Variants in STON1 observed in about 807,000 individuals in gnomAD.
STON1 encodes stonin 1, also known as stonin-1.
In STON1, 79 loss-of-function variants were observed where a neutral mutation model predicts 60.9. The ratio of observed to expected loss-of-function variants is 1.30; its 90% confidence interval spans 1.08 to 1.56. STON1 has a LOEUF of 1.56. Among genes scored for constraint, STON1 ranks in the 40% most tolerant of loss-of-function variants. The pLI is 0.00. For synonymous variants in STON1, 363 were observed against 306.9 expected (o/e 1.18, Z -1.91); for missense variants, 1,166 against 858.9 (o/e 1.36, Z -4.47).
chr2:48,554,007 T>G (rs912953776), intron 1 of STON1, among the ~76,000 whole-genome samples: 6 of 152,092 alleles, frequency 3.9e-5, no homozygotes, highest in African/African-American at 1.2e-4. Context: ...GAATACAAAG[T>G]CTGTTGGAGA....
At chr2:48,541,224 G>A (rs531309211) in intron 1 of STON1, among the ~76,000 whole-genome samples, 54 of 151,866 alleles carry the variant, frequency 3.6e-4, no homozygotes, top group African/African-American at 1.3e-3. Context: ...GGTGTTGTAT[G>A]ACTATAATCC....
intron 2 of STON1, among the ~76,000 whole-genome samples, chr2:48,584,132 T>C (rs944848989): frequency 2.6e-5 from 4 of 152,206 alleles, no homozygotes; most frequent in East Asian, 1.9e-4. Context: ...AAAAATCTGA[T>C]CCCTGTTTCC....
intron 1 of STON1, among the ~76,000 whole-genome samples, chr2:48,578,824 C>G (rs1673700628): frequency 6.6e-6 from 1 of 151,948 alleles, no homozygotes; most frequent in Non-Finnish European, 1.5e-5. Context: ...CTCCTGACCT[C>G]AAGTGATCTA....
chr2:48,531,496 C>G (rs1275311210), intron 1 of STON1: 1 of 152,350 alleles, frequency 6.6e-6, no homozygotes, highest in Non-Finnish European at 1.5e-5. Flanking sequence ...ATCAGTGTTT[C>G]CATGACAGTC....
intron 1 of STON1, among the ~76,000 whole-genome samples, chr2:48,537,281 T>C (rs1315645965): frequency 6.6e-6 from 1 of 152,202 alleles, no homozygotes; most frequent in Non-Finnish European, 1.5e-5. Context: ...AACTAAGAAC[T>C]TTGCTCTATT....
intron 1 of STON1, among the ~76,000 whole-genome samples, chr2:48,550,489 C>T (rs910671411): frequency 9.5e-5 from 14 of 146,842 alleles, no homozygotes; most frequent in African/African-American, 3.0e-4. Flanking sequence ...AAGAGTGAAA[C>T]TCTATCTCAA....
At chr2:48,588,484 G>A (rs1341373481) in intron 2 of STON1, among the ~76,000 whole-genome samples, 3 of 152,068 alleles carry the variant, frequency 2.0e-5, no homozygotes, top group Non-Finnish European at 4.4e-5. Context: ...CCAAGTAGCT[G>A]GGACCACAGC....
At chr2:48,579,457 C>CTTT (rs1673746718) in intron 1 of STON1, among the ~76,000 whole-genome samples, 1 of 152,036 alleles carries the variant, frequency 6.6e-6, no homozygotes, top group African/African-American at 2.4e-5. Context: ...TTCTAATTTC[C>CTTT]TTTTTTATTT....
chr2:48,568,559 G>C (rs947328694), intron 1 of STON1, among the ~76,000 whole-genome samples: 1 of 151,974 alleles, frequency 6.6e-6, no homozygotes, highest in African/African-American at 2.4e-5. Flanking sequence ...GAAAATTACA[G>C]AGAATACTGG....
chr2:48,558,719 T>C (rs540137885), intron 1 of STON1, among the ~76,000 whole-genome samples: 1 of 152,328 alleles, frequency 6.6e-6, no homozygotes, highest in South Asian at 2.1e-4. Context: ...CTGCCCTATG[T>C]CTTTACTCAA....
At chr2:48,554,514 C>T (rs1163783035) in intron 1 of STON1, among the ~76,000 whole-genome samples, 1 of 152,154 alleles carries the variant, frequency 6.6e-6, no homozygotes, top group African/African-American at 2.4e-5. Flanking sequence ...TGAGCCATTG[C>T]GCCCGGCCTT....
At chr2:48,553,654 A>AT (rs1412627027) in intron 1 of STON1, among the ~76,000 whole-genome samples, 2 of 151,806 alleles carry the variant, frequency 1.3e-5, no homozygotes, top group Non-Finnish European at 2.9e-5. Context: ...TGCCTGGCTA[A>AT]TTTTTTTATT....
chr2:48,593,389 AGAGGTGT>A (rs1177494979), intron 3 of STON1, among the ~76,000 whole-genome samples: 2 of 152,214 alleles, frequency 1.3e-5, no homozygotes, highest in African/African-American at 2.4e-5. Flanking sequence ...TGCTGGGATT[AGAGGTGT>A]GAGCCACCAC....
At chr2:48,589,504 G>GA (rs1674397775) in intron 2 of STON1, among the ~76,000 whole-genome samples, 1 of 152,204 alleles carries the variant, frequency 6.6e-6, no homozygotes, top group Admixed American at 6.5e-5. Context: ...CTGTGGGGCA[G>GA]AAAGTCTGAA....
At chr2:48,569,963 T>G (rs1673117522) in intron 1 of STON1, among the ~76,000 whole-genome samples, 1 of 152,240 alleles carries the variant, frequency 6.6e-6, no homozygotes, top group Non-Finnish European at 1.5e-5. Flanking sequence ...TGTAATAATA[T>G]TTAAGGTATT....
chr2:48,581,546 G>T lies in STON1; in HGVS notation c.913G>T (p.Gly305Ter). Residue 305 changes from glycine (G) to a stop codon, truncating the protein, a stop_gained, in exon 2 of 4, where the codon GGA becomes TGA. Coordinates refer to ENST00000404752, the MANE Select transcript of STON1 (RefSeq NM_006873.4). LOFTEE classifies it high-confidence loss of function. Reference sequence around the variant, plus strand: ...AATTTTTCTGAAAGTTTTGCCTGGAGGAATTTTGCAGATGTATTATGAACA... The same window carrying T: ...AATTTTTCTGAAAGTTTTGCCTGGATGAATTTTGCAGATGTATTATGAACA... ...GPIFLKVLPGGILQMYYEQGL... is the reference protein window; with the variant it reads ...GPIFLKVLPG 1 of 1,614,176 alleles carries T rather than the reference G, an allele frequency of 6.2e-7. No homozygotes were observed. The highest frequency in any genetic ancestry group is 8.5e-7 in the Non-Finnish European group (1 of 1,180,028).
intron 1 of STON1, among the ~76,000 whole-genome samples, chr2:48,577,727 TG>T (rs1402291635): frequency 1.5e-4 from 23 of 149,662 alleles, no homozygotes; most frequent in Non-Finnish European, 3.0e-4. Flanking sequence ...GCGATTCTCC[TG>T]CCTCAGCCTC....
At chr2:48,554,697 T>C (rs1207999746) in intron 1 of STON1, among the ~76,000 whole-genome samples, 1 of 147,482 alleles carries the variant, frequency 6.8e-6, no homozygotes, top group Non-Finnish European at 1.5e-5. Context: ...ACTCAAACTT[T>C]AAGTGCAAAA....
At chr2:48,546,337 C>T (rs1200281271) in intron 1 of STON1, among the ~76,000 whole-genome samples, 2 of 152,238 alleles carry the variant, frequency 1.3e-5, no homozygotes, top group African/African-American at 4.8e-5. Context: ...GGCTGTCTCC[C>T]TGCAGTCAGG....
Sources: gnomAD v4.1 joint callset for allele counts (sites outside exome capture counted in the v4.1 genomes callset) on GRCh38, gnomAD v4.1.1 for gene constraint, MANE v1.5 for transcripts, NCBI Gene and HGNC (gene_info 2026-07-23, HGNC 2026-07-21) for gene names.